Variants in GNAI3 observed in about 807,000 individuals in gnomAD.
GNAI3 encodes the protein guanine nucleotide-binding protein G(i) subunit alpha-3.
A neutral mutation model predicts 41.8 loss-of-function variants in GNAI3; 12 were observed. The observed-to-expected ratio is 0.29, with a 90% confidence interval of 0.18 to 0.47. GNAI3 has a LOEUF of 0.47. Among genes scored for constraint, GNAI3 ranks in the 20% least tolerant of loss-of-function variants. The pLI is 1.00. For missense variants in GNAI3, 360 were observed against 429.6 expected (o/e 0.84, Z 1.43); for synonymous variants, 132 against 146.5 (o/e 0.90, Z 0.71).
chr1:109,573,111 G>C (rs549072781), intron 1 of GNAI3, among the ~76,000 whole-genome samples: 1 of 152,266 alleles, frequency 6.6e-6, no homozygotes, highest in African/African-American at 2.4e-5. Flanking sequence ...AGGAAAATGA[G>C]TTGACTAGGG....
rs117073123 is a variant in GNAI3, at chr1:109,591,688, C to T, written c.875-355C>T. 13 of 391,416 alleles carry T rather than the reference C, an allele frequency of 3.3e-5. No homozygotes were observed. The East Asian group carries it at 5.1e-4, about 15-fold the overall frequency. 24.2% of individuals were successfully genotyped at this position (391,416 alleles called of 1,614,324 possible). On this transcript the variant is annotated intron_variant, in intron 7 of 8. Transcript: ENST00000369851. ...AAGATCACTCCAAGGAACACAGCCT[C>T]TCTCAGACCTTTTAAGCAGTTGTGT... is the stretch of plus-strand genomic sequence containing the variant.
At chr1:109,558,100 G>A (rs113479353) in intron 1 of GNAI3, among the ~76,000 whole-genome samples, 139 of 152,202 alleles carry the variant, frequency 9.1e-4, no homozygotes, top group African/African-American at 3.2e-3. Context: ...TTACCATCTT[G>A]TATAGTTGGG....
intron 1 of GNAI3, among the ~76,000 whole-genome samples, chr1:109,559,579 C>T (rs1253678167): frequency 2.0e-5 from 3 of 152,142 alleles, no homozygotes; most frequent in Admixed American, 2.0e-4. Flanking sequence ...TTGAAGTTAG[C>T]TTAACATCAT....
In GNAI3 at chr1:109,555,963, CGTGTGTGT is replaced by C. The variant is rs71069692; in HGVS notation, c.118+7154_118+7161del. On this transcript the variant is annotated intron_variant, in intron 1 of 8. Transcript: ENST00000369851. ...TCCTGGGGAAAGGAGTGCGTGCGTG[CGTGTGTGT>C]GTGTGTGTGTGTGTGTGTGTGTGTG... Among the ~76,000 whole-genome samples, 1,390 of 144,582 alleles carry C rather than the reference CGTGTGTGT, an allele frequency of 9.6e-3. 19 individuals are homozygous for C. Among genetic ancestry groups the C allele is most frequent in the South Asian group, 0.054 (248 of 4,592 alleles). The allele number at this position is 144,582 out of a possible 152,430, so 94.9% of individuals were successfully genotyped here.
chr1:109,562,321 A>C (rs1023452935), intron 1 of GNAI3, among the ~76,000 whole-genome samples: 1 of 152,208 alleles, frequency 6.6e-6, no homozygotes, highest in African/African-American at 2.4e-5. Flanking sequence ...GAATGTGTGT[A>C]GGTTATATGA....
In GNAI3 at chr1:109,586,296, G is replaced by C. The variant is rs778921356; in HGVS notation, c.671G>C (p.Cys224Ser). The C allele has an allele frequency of 5.6e-6, 9 of 1,613,368 alleles. No individual in the cohort carries two copies. The highest frequency in any genetic ancestry group is 2.7e-5 in the African/African-American group (2 of 74,862). The stretch of plus-strand genomic sequence containing the variant: ...GAGGGAGTGACAGCAATTATCTTCT[G>C]TGTGGCCCTCAGTGATTATGACCTT... ...CFEGVTAIIFCVALSDYDLVL... is the reference protein window; with the variant it reads ...CFEGVTAIIFSVALSDYDLVL... Residue 224 changes from cysteine to serine, a missense_variant, in exon 6 of 9, where the codon TGT (cysteine) becomes TCT (serine). Physicochemically the swap from Cys to Ser is moderately radical, Grantham distance 112 (BLOSUM62 -1). Coordinates refer to ENST00000369851, the MANE Select transcript of GNAI3 (RefSeq NM_006496.4).
intron 1 of GNAI3, among the ~76,000 whole-genome samples, chr1:109,555,981 T>C (rs879373788): frequency 0.016 from 2,403 of 149,970 alleles, 21 homozygotes; most frequent in Non-Finnish European, 0.024. Flanking sequence ...TGTGTGTGTG[T>C]GTGTGTGTGT....
intron 1 of GNAI3, among the ~76,000 whole-genome samples, chr1:109,566,853 G>T (rs537626748): frequency 7.9e-5 from 12 of 152,130 alleles, no homozygotes; most frequent in African/African-American, 2.9e-4. Flanking sequence ...ATGAGCCACC[G>T]CACCTGGCCT....
chr1:109,570,753 CAA>C (rs1480379331), intron 1 of GNAI3, among the ~76,000 whole-genome samples: 1 of 152,122 alleles, frequency 6.6e-6, no homozygotes. Context: ...TGGAGAGTAA[CAA>C]GAGATGAGGG....
At chr1:109,565,091 T>C (rs575944665) in intron 1 of GNAI3, among the ~76,000 whole-genome samples, 3 of 151,938 alleles carry the variant, frequency 2.0e-5, no homozygotes, top group Admixed American at 2.0e-4. Context: ...TGAAACCCCG[T>C]CTCTACTAAA....
At chr1:109,588,136 T>G (rs1359007171) in intron 7 of GNAI3, among the ~76,000 whole-genome samples, 1 of 152,048 alleles carries the variant, frequency 6.6e-6, no homozygotes, top group Non-Finnish European at 1.5e-5. Context: ...ATCCCAGCAC[T>G]TTGGGAGGCC....
chr1:109,570,243 A>T (rs1304141545), intron 1 of GNAI3, among the ~76,000 whole-genome samples: 1 of 152,188 alleles, frequency 6.6e-6, no homozygotes, highest in African/African-American at 2.4e-5. Context: ...GTACCTTTTG[A>T]TTCTGTAAGA....
chr1:109,587,417 TAATAGAAGTGG>T (rs1173657485), intron 7 of GNAI3, among the ~76,000 whole-genome samples: 3 of 152,200 alleles, frequency 2.0e-5, no homozygotes, highest in Non-Finnish European at 4.4e-5. Context: ...AAATATGCAT[TAATAGAAGTGG>T]AATAGAAGTG....
At chr1:109,554,739 T>C (rs1170758646) in intron 1 of GNAI3, among the ~76,000 whole-genome samples, 1 of 152,216 alleles carries the variant, frequency 6.6e-6, no homozygotes, top group Non-Finnish European at 1.5e-5. Context: ...TTTATTTTTG[T>C]CTTTGCATTT....
At chr1:109,550,042 G>A (rs1392605621) in intron 1 of GNAI3, among the ~76,000 whole-genome samples, 1 of 152,024 alleles carries the variant, frequency 6.6e-6, no homozygotes, top group Non-Finnish European at 1.5e-5. Context: ...GTAGGAGTAG[G>A]GGTTTCTACA....
chr1:109,578,822 A>T (rs1648820968), intron 3 of GNAI3, among the ~76,000 whole-genome samples: 1 of 152,104 alleles, frequency 6.6e-6, no homozygotes, highest in African/African-American at 2.4e-5. Flanking sequence ...TTCTATTTTT[A>T]GTGTAGGCTT....
At chr1:109,573,806 G>C in intron 2 of GNAI3, 27 bp downstream of exon 2, 1 of 1,603,944 alleles carries the variant, frequency 6.2e-7, no homozygotes, top group Non-Finnish European at 8.5e-7. Context: ...CGTTTTGTTA[G>C]ACTAGGATTT....
chr1:109,576,475 A>C (rs990433137), intron 3 of GNAI3, among the ~76,000 whole-genome samples: 2 of 151,352 alleles, frequency 1.3e-5, no homozygotes, highest in African/African-American at 4.9e-5. Flanking sequence ...GGAGGTGTGA[A>C]GTTTATTGTA....
intron 1 of GNAI3, among the ~76,000 whole-genome samples, chr1:109,569,623 G>T (rs780221000): frequency 9.2e-5 from 14 of 152,192 alleles, no homozygotes; most frequent in Non-Finnish European, 1.6e-4. Flanking sequence ...ATAAGAAAGG[G>T]TTATAGAAAG....
Sources: gnomAD v4.1 joint callset for allele counts (sites outside exome capture counted in the v4.1 genomes callset) on GRCh38, gnomAD v4.1.1 for gene constraint, MANE v1.5 for transcripts, NCBI Gene and HGNC (gene_info 2026-07-23, HGNC 2026-07-21) for gene names.